CHCHD3: variants seen among roughly 807,000 people sequenced by gnomAD.
CHCHD3 encodes the protein MICOS complex subunit MIC19.
CHCHD3 carries 20 observed loss-of-function variants against 38.2 expected under a neutral mutation model. The observed-to-expected ratio is 0.52, with a 90% CI of 0.37 to 0.76. The LOEUF is 0.76. Ranked by LOEUF, CHCHD3 falls within the 30% of genes least tolerant of loss-of-function variation. The pLI is 0.00. For synonymous variants in CHCHD3, 82 were observed against 100.0 expected, an observed-to-expected ratio of 0.82 and a Z score of 1.07; for missense variants, 245 against 279.2, an observed-to-expected ratio of 0.88 and a Z score of 0.87.
intron 4 of CHCHD3, among the ~76,000 whole-genome samples, chr7:132,932,981 A>G (rs527368671): frequency 4.5e-4 from 68 of 152,320 alleles, no homozygotes; most frequent in Admixed American, 3.7e-3. Flanking sequence ...AGAAAATGGC[A>G]AAAAGCAAGG....
intron 2 of CHCHD3, among the ~76,000 whole-genome samples, chr7:133,060,571 A>G (rs1197387509): frequency 6.6e-6 from 1 of 152,184 alleles, no homozygotes; most frequent in East Asian, 1.9e-4. Flanking sequence ...GGGCAGGGCT[A>G]GAAGGTGGAA....
chr7:132,855,875 A>C (rs1354467209), intron 5 of CHCHD3, among the ~76,000 whole-genome samples: 1 of 151,780 alleles, frequency 6.6e-6, no homozygotes, highest in Non-Finnish European at 1.5e-5. Flanking sequence ...TAAAAAAAAA[A>C]AAGAAAGAAA....
chr7:133,077,623 T>TA (rs760634071), intron 1 of CHCHD3, among the ~76,000 whole-genome samples: 3 of 152,226 alleles, frequency 2.0e-5, no homozygotes, highest in East Asian at 1.9e-4. Flanking sequence ...TTGCGAAAGA[T>TA]AGAGTTGTAA....
At chr7:133,044,188 T>A (rs1209618108) in intron 2 of CHCHD3, among the ~76,000 whole-genome samples, 1 of 152,212 alleles carries the variant, frequency 6.6e-6, no homozygotes, top group Non-Finnish European at 1.5e-5. Context: ...CCCCTTTGCC[T>A]GATCTCTACT....
chr7:132,942,713 T>C (rs1422014366), intron 4 of CHCHD3, among the ~76,000 whole-genome samples: 7 of 152,278 alleles, frequency 4.6e-5, no homozygotes, highest in East Asian at 1.9e-4. Context: ...TGTGACAACA[T>C]CTATAAAACA....
chr7:133,009,921 T>C (rs1045765101), intron 3 of CHCHD3, among the ~76,000 whole-genome samples: 1 of 152,150 alleles, frequency 6.6e-6, no homozygotes, highest in African/African-American at 2.4e-5. Context: ...ACAATGCTCA[T>C]TAAAAATGAA....
chr7:132,869,658 A>G (rs1293379287), intron 5 of CHCHD3, among the ~76,000 whole-genome samples: 1 of 152,116 alleles, frequency 6.6e-6, no homozygotes, highest in African/African-American at 2.4e-5. Context: ...ATAATGGCTC[A>G]CTGCAGCCTT....
chr7:133,070,387 AT>A (rs2117539311), intron 1 of CHCHD3, among the ~76,000 whole-genome samples, 158 bp from the exon 2 acceptor site: 1 of 152,346 alleles, frequency 6.6e-6, no homozygotes, highest in South Asian at 2.1e-4. Context: ...AGAAGGAAGA[AT>A]AATTTTAAGA....
intron 6 of CHCHD3, among the ~76,000 whole-genome samples, chr7:132,806,108 G>A (rs1376965241): frequency 2.6e-5 from 4 of 152,188 alleles, no homozygotes; most frequent in African/African-American, 9.7e-5. Context: ...GGAAGATGGA[G>A]CAGTAGGGGA....
chr7:133,071,061 C>G (rs566782423), intron 1 of CHCHD3, among the ~76,000 whole-genome samples: 6 of 152,314 alleles, frequency 3.9e-5, no homozygotes. Flanking sequence ...AAGTAGGCAG[C>G]TGGCAATAGA....
chr7:132,795,921 G>A (rs1806597837), intron 7 of CHCHD3, among the ~76,000 whole-genome samples: 1 of 152,138 alleles, frequency 6.6e-6, no homozygotes. Context: ...TAAAAGCAGT[G>A]GAAATTCTTT....
chr7:132,845,330 T>TGTGGG (rs1808051123), intron 5 of CHCHD3, among the ~76,000 whole-genome samples: 1 of 152,082 alleles, frequency 6.6e-6, no homozygotes, highest in African/African-American at 2.4e-5. Flanking sequence ...AACTGTATAG[T>TGTGGG]GTGGGGTGGG....
At chr7:133,063,739 T>G (rs1814588848) in intron 2 of CHCHD3, among the ~76,000 whole-genome samples, 7 of 152,184 alleles carry the variant, frequency 4.6e-5, no homozygotes, top group Admixed American at 4.6e-4. Flanking sequence ...AAGGCACAAC[T>G]AATGTAACTT....
At chr7:133,032,595 C>T (rs1047548071) in intron 2 of CHCHD3, among the ~76,000 whole-genome samples, 4 of 152,164 alleles carry the variant, frequency 2.6e-5, no homozygotes, top group Non-Finnish European at 5.9e-5. Flanking sequence ...AAACTAGCTC[C>T]ATGTTCCATT....
chr7:132,850,281 T>C (rs1179495060), intron 5 of CHCHD3, among the ~76,000 whole-genome samples: 1 of 152,178 alleles, frequency 6.6e-6, no homozygotes, highest in African/African-American at 2.4e-5. Flanking sequence ...CATTATCTCC[T>C]GGGTGGCTTG....
intron 2 of CHCHD3, among the ~76,000 whole-genome samples, chr7:133,054,334 A>G (rs890265187): frequency 6.6e-6 from 1 of 152,220 alleles, no homozygotes; most frequent in Non-Finnish European, 1.5e-5. Flanking sequence ...GAATGAGGTC[A>G]TTCTGCATAG....
intron 5 of CHCHD3, among the ~76,000 whole-genome samples, chr7:132,844,023 G>T (rs1808008549): frequency 6.6e-6 from 1 of 152,234 alleles, no homozygotes; most frequent in Non-Finnish European, 1.5e-5. Flanking sequence ...AAACGGGCCG[G>T]GCGAAGTGGC....
chr7:132,987,102 T>A (rs1812141882), intron 3 of CHCHD3, among the ~76,000 whole-genome samples: 1 of 152,172 alleles, frequency 6.6e-6, no homozygotes, highest in African/African-American at 2.4e-5. Flanking sequence ...ACCCCATGAC[T>A]TCAATATTGA....
chr7:132,894,987 T>G (rs1365974439), intron 4 of CHCHD3, among the ~76,000 whole-genome samples: 1 of 152,138 alleles, frequency 6.6e-6, no homozygotes, highest in Non-Finnish European at 1.5e-5. Context: ...TAATCAACAG[T>G]GATGTTTTGC....
Sources: gnomAD v4.1 joint callset for allele counts (sites outside exome capture counted in the v4.1 genomes callset) on GRCh38, gnomAD v4.1.1 for gene constraint, MANE v1.5 for transcripts, NCBI Gene and HGNC (gene_info 2026-07-23, HGNC 2026-07-21) for gene names.